PRDM6: variants seen among roughly 807,000 people sequenced by gnomAD.
PRDM6 encodes the protein putative histone-lysine N-methyltransferase PRDM6.
Under a neutral mutation model 60.8 loss-of-function variants are expected in PRDM6, and 25 were observed. The ratio of observed to expected loss-of-function variants is 0.41; its 90% confidence interval spans 0.30 to 0.57. The LOEUF is 0.57. PRDM6 is among the 20% of genes least tolerant of loss of function. PRDM6 has a pLI of 0.27. For synonymous variants in PRDM6, 407 were observed against 357.4 expected, an observed-to-expected ratio of 1.14 and a Z score of -1.57; for missense variants, 839 against 821.3, an observed-to-expected ratio of 1.02 and a Z score of -0.26.
intron 2 of PRDM6, among the ~76,000 whole-genome samples, chr5:123,093,046 G>C (rs1763878117): frequency 6.6e-6 from 1 of 152,334 alleles, no homozygotes; most frequent in East Asian, 1.9e-4. Flanking sequence ...TTGTATGTGA[G>C]TGGAGGTGGA....
chr5:123,156,132 A>G (rs1394568489), intron 4 of PRDM6, 121 bp downstream of exon 4: 1 of 775,506 alleles, frequency 1.3e-6, no homozygotes. Context: ...ACTGGCAGAC[A>G]TTTTTTTTTT....
intron 2 of PRDM6, among the ~76,000 whole-genome samples, chr5:123,091,692 TAAG>T (rs2150204221): frequency 6.6e-6 from 1 of 152,352 alleles, no homozygotes; most frequent in African/African-American, 2.4e-5. Flanking sequence ...TAAAGTGTGT[TAAG>T]AGCGTCAGAT....
At chr5:123,151,470 G>A (rs1415098368) in intron 3 of PRDM6, among the ~76,000 whole-genome samples, 1 of 152,188 alleles carries the variant, frequency 6.6e-6, no homozygotes, top group African/African-American at 2.4e-5. Context: ...CACACTCCCA[G>A]ATGGGGAGGC....
rs369344813 is a variant in PRDM6, at chr5:123,192,084, T to A, written c.*4883T>A. On this transcript the variant is annotated 3_prime_UTR_variant, in exon 8 of 8. Transcript: ENST00000407847. ...TAGACTGAATATGCCACCACTGCAC[T>A]TAGAAAACCTATGGAGGAAATTTTA... The A allele has an allele frequency of 3.9e-5, 6 of 152,340 alleles. No individual in the cohort carries two copies. The East Asian group carries it at 9.6e-4, about 24-fold the overall frequency. The allele number at this position is 152,340 out of a possible 1,614,324, so 9.4% of individuals were successfully genotyped here.
chr5:123,090,511 T>G lies in PRDM6; in HGVS notation c.497T>G (p.Phe166Cys). 5 of 1,491,124 alleles carry G rather than the reference T, an allele frequency of 3.4e-6. No homozygotes were observed. Among genetic ancestry groups the G allele is most frequent in the Non-Finnish European group, 4.4e-6 (5 of 1,129,242 alleles). The allele number at this position is 1,491,124 out of a possible 1,614,324, so 92.4% of individuals were successfully genotyped here. A position where few individuals can be genotyped will look rare whatever the true frequency, so the allele number is the denominator to read the frequency against. The change falls in exon 2 of 8, where the codon TTC becomes TGC. Residue 166 changes from phenylalanine (F) to cysteine (C), a missense_variant. Phe to Cys is a radical substitution (Grantham distance 205). Around this residue, in one of 2 missense-constraint regions of PRDM6, gnomAD observed 730 missense variants for 648.8 expected, o/e 1.13. Transcript: ENST00000407847. ...GGGEGRGAPR[F>C]RCSAEELDYY... ...GGGGAGGGTCGCGGCGCCCCGCGCTTCCGCTGCAGCGCAGAGGAGCTGGAC... is the reference window on the plus strand; with the variant it reads ...GGGGAGGGTCGCGGCGCCCCGCGCTGCCGCTGCAGCGCAGAGGAGCTGGAC...
At chr5:123,183,427 G>T (rs1766211152) in intron 7 of PRDM6, among the ~76,000 whole-genome samples, 1 of 152,178 alleles carries the variant, frequency 6.6e-6, no homozygotes, top group Non-Finnish European at 1.5e-5. Flanking sequence ...ATCCAAAGAA[G>T]GCTGCAGAAG....
rs1036749553 is a variant in PRDM6 at position 123,170,866 on chromosome 5, C to T, written c.1254C>T (p.Ser418=). 32 of 1,552,134 alleles carry T rather than the reference C, an allele frequency of 2.1e-5. No homozygotes were observed. The highest frequency in any genetic ancestry group is 2.5e-5 in the Non-Finnish European group (29 of 1,147,122). ...TCGCCCCTACCACCCAGCAGCGCTC[C>T]GTTGTTTTCCCCCAGACTCCGTGCA... ...SKLAPTTQQR[S]VVFPQTPCSR... is the part of the protein sequence containing the mutation. The change falls in exon 6 of 8, where the codon TCC becomes TCT. Residue 418 remains serine, a synonymous_variant. Coordinates refer to ENST00000407847, the MANE Select transcript of PRDM6 (RefSeq NM_001136239.4).
At chr5:123,140,181 C>T (rs1049262064) in intron 3 of PRDM6, among the ~76,000 whole-genome samples, 40 of 151,686 alleles carry the variant, frequency 2.6e-4, no homozygotes, top group Admixed American at 2.4e-3. Context: ...GTAGTAACAT[C>T]TTTAATCTGA....
At chr5:123,175,344 G>A (rs969735051) in intron 6 of PRDM6, among the ~76,000 whole-genome samples, 1 of 152,168 alleles carries the variant, frequency 6.6e-6, no homozygotes, top group Non-Finnish European at 1.5e-5. Context: ...TCACATTTGT[G>A]TTTTAAGTAT....
At chr5:123,128,107 T>C (rs546721098) in intron 3 of PRDM6, among the ~76,000 whole-genome samples, 92 of 152,226 alleles carry the variant, frequency 6.0e-4, no homozygotes, top group Non-Finnish European at 1.1e-3. Context: ...CTCATCCTTT[T>C]TAATGGCTGC....
chr5:123,177,890 C>T (rs559944407), intron 6 of PRDM6, among the ~76,000 whole-genome samples: 5 of 152,068 alleles, frequency 3.3e-5, no homozygotes, highest in Non-Finnish European at 5.9e-5. Flanking sequence ...AGTCAGGGGT[C>T]CTATCTCTCC....
Position 123,142,093 on chromosome 5 carries a change from G to A in PRDM6, c.901-13791G>A, listed in dbSNP as rs566264126. Among the ~76,000 whole-genome samples the A allele has an allele frequency of 2.0e-5, 3 of 152,186 alleles. No individual in the cohort carries two copies. In the East Asian group the frequency reaches 5.8e-4, roughly 29 times the overall value. ...CATAAATTATGATTAAATTTGCCTA[G>A]GTCTAATAAAAGATTGCGACTTAGG... On this transcript the variant is annotated intron_variant, in intron 3 of 7. Transcript: ENST00000407847.
rs1259672571 is a variant in PRDM6, at chr5:123,125,166, G to A, written c.900+25205G>A. On this transcript the variant is annotated intron_variant, in intron 3 of 7. Transcript: ENST00000407847. ...CCGCACCCCCTCCCCCCCACCCGCC[G>A]GCCCCGCCACACACACACATGAGTG... Among the ~76,000 whole-genome samples, 21 of 71,942 alleles carry A rather than the reference G, an allele frequency of 2.9e-4. No individual in the cohort carries two copies. The East Asian group carries it at 5.2e-3, about 18-fold the overall frequency. 47.2% of individuals were successfully genotyped at this position (71,942 alleles called of 152,430 possible).
rs1766455558 is a variant in PRDM6, at chr5:123,192,704, G to C, written c.*5503G>C. 2 of 152,194 alleles carry C rather than the reference G, an allele frequency of 1.3e-5. No homozygotes were observed. The allele number at this position is 152,194 out of a possible 1,614,324, so 9.4% of individuals were successfully genotyped here. A position where few individuals can be genotyped will look rare whatever the true frequency, so the allele number is the denominator to read the frequency against. On this transcript the variant is annotated 3_prime_UTR_variant, in exon 8 of 8. Transcript: ENST00000407847. ...GTTGTGTTGGAGGGTGGCCAGAAGA[G>C]AATAAGGTTCGAACACTATCGACAG...
chr5:123,127,284 C>T (rs1665324068), intron 3 of PRDM6, among the ~76,000 whole-genome samples: 1 of 152,132 alleles, frequency 6.6e-6, no homozygotes, highest in South Asian at 2.1e-4. Context: ...GTGATCCACC[C>T]ACCATGGCCT....
intron 6 of PRDM6, among the ~76,000 whole-genome samples, chr5:123,174,268 C>T (rs1027503619): frequency 7.2e-5 from 11 of 152,146 alleles, no homozygotes; most frequent in Non-Finnish European, 1.5e-4. Context: ...AACCTGTATA[C>T]GTATATTCTT....
chr5:123,177,939 G>A (rs763103329), intron 6 of PRDM6, among the ~76,000 whole-genome samples: 3 of 152,106 alleles, frequency 2.0e-5, no homozygotes, highest in Non-Finnish European at 4.4e-5. Context: ...TGAGTTCTGC[G>A]AAGTTTTAAA....
intron 2 of PRDM6, among the ~76,000 whole-genome samples, chr5:123,097,775 C>T (rs924909929): frequency 1.5e-4 from 23 of 152,170 alleles, no homozygotes; most frequent in African/African-American, 5.5e-4. Context: ...GTTTGTGTTG[C>T]TGGCAGAGGA....
Position 123,089,988 on chromosome 5 carries a change from C to A in PRDM6, c.-15-12C>A. On this transcript the variant is annotated splice_polypyrimidine_tract_variant and intron_variant, in intron 1 of 7. Transcript: ENST00000407847. ...GCTCACGCGCCCCCTCTTCCCTGCC[C>A]TCTGCCCCCAGTTCGAGGCGCCGGA... The A allele has an allele frequency of 6.5e-7, 1 of 1,533,774 alleles. No homozygotes were observed. The highest frequency in any genetic ancestry group is 1.2e-5 in the South Asian group (1 of 83,642).
Sources: allele counts gnomAD v4.1 joint callset (sites outside exome capture counted in the v4.1 genomes callset), GRCh38; gene constraint gnomAD v4.1.1; regional missense constraint gnomAD v4.1.1; transcripts MANE v1.5; gene names NCBI Gene and HGNC (gene_info 2026-07-23, HGNC 2026-07-21).